The following TSHZ2 variants were observed in gnomAD, a reference collection of about 807,000 sequenced individuals.
TSHZ2 encodes teashirt zinc finger homeobox 2, also known as teashirt homolog 2.
TSHZ2 carries 21 observed loss-of-function variants against 74.4 expected under a neutral mutation model. That is an observed-to-expected ratio of 0.28 (90% confidence interval 0.20 to 0.41). The LOEUF (loss-of-function observed/expected upper bound fraction) is 0.41, where lower values mean the gene tolerates loss of function less well. Ranked by LOEUF, TSHZ2 falls within the 10% of genes least tolerant of loss-of-function variation. The pLI is 1.00. For synonymous variants in TSHZ2, 540 were observed against 515.3 expected, an observed-to-expected ratio of 1.05 and a Z score of -0.65; for missense variants, 1,244 against 1,293.5, an observed-to-expected ratio of 0.96 and a Z score of 0.59.
intron 2 of TSHZ2, among the ~76,000 whole-genome samples, chr20:53,458,224 C>A (rs1985190511): frequency 6.8e-6 from 1 of 146,642 alleles, no homozygotes; most frequent in South Asian, 2.3e-4. Context: ...TTGATTATTG[C>A]CACAATTTCA....
chr20:53,211,521 A>G (rs1237285226), intron 1 of TSHZ2, among the ~76,000 whole-genome samples: 1 of 151,020 alleles, frequency 6.6e-6, no homozygotes, highest in Non-Finnish European at 1.5e-5. Flanking sequence ...AAAAAAAAAA[A>G]GTAAACATTG....
At chr20:53,170,762 A>C (rs1358955771) in intron 1 of TSHZ2, among the ~76,000 whole-genome samples, 3 of 152,174 alleles carry the variant, frequency 2.0e-5, no homozygotes, top group Non-Finnish European at 4.4e-5. Context: ...ATGAAAGGGC[A>C]TTGGTTTGTC....
intron 2 of TSHZ2, among the ~76,000 whole-genome samples, chr20:53,440,364 C>T (rs931004095): frequency 6.6e-6 from 1 of 152,176 alleles, no homozygotes; most frequent in Non-Finnish European, 1.5e-5. Flanking sequence ...TGGAGCTGAG[C>T]CTTCTGCAAT....
At chr20:53,201,315 G>A (rs976738701) in intron 1 of TSHZ2, among the ~76,000 whole-genome samples, 1 of 152,166 alleles carries the variant, frequency 6.6e-6, no homozygotes, top group East Asian at 1.9e-4. Flanking sequence ...TGTGTCAGTA[G>A]GCCCACATTC....
At chr20:53,059,976 C>T (rs1319082679) in intron 1 of TSHZ2, among the ~76,000 whole-genome samples, 3 of 151,998 alleles carry the variant, frequency 2.0e-5, no homozygotes, top group Non-Finnish European at 4.4e-5. Context: ...AGCCAAAGGC[C>T]GAGGGTTTGT....
intron 1 of TSHZ2, among the ~76,000 whole-genome samples, chr20:53,018,651 G>T (rs1205998016): frequency 7.2e-5 from 11 of 152,208 alleles, no homozygotes. Context: ...TAAAAGCAAT[G>T]TTGAACTTTA....
At chr20:53,155,284 C>T (rs574121121) in intron 1 of TSHZ2, among the ~76,000 whole-genome samples, 1 of 151,922 alleles carries the variant, frequency 6.6e-6, no homozygotes, top group South Asian at 2.1e-4. Flanking sequence ...AATAAAAAGA[C>T]AATGAAAAGG....
intron 2 of TSHZ2, among the ~76,000 whole-genome samples, chr20:53,414,544 C>G (rs1983169002): frequency 6.6e-6 from 1 of 152,046 alleles, no homozygotes; most frequent in Non-Finnish European, 1.5e-5. Flanking sequence ...TCACTTGAGC[C>G]CAGGAGTTCA....
In TSHZ2 at chr20:52,973,110, G is replaced by A. The variant is rs968655142; in HGVS notation, c.-184G>A. 1.0e-4 allele frequency: 68 copies of A among 658,294 alleles called. No homozygotes were observed. Among genetic ancestry groups the A allele is most frequent in the South Asian group, 4.1e-4 (17 of 41,592 alleles). The allele number at this position is 658,294 out of a possible 1,614,324, so 40.8% of individuals were successfully genotyped here. On this transcript the variant is annotated 5_prime_UTR_variant, in exon 1 of 3. Transcript: ENST00000371497. The stretch of plus-strand genomic sequence containing the variant: ...GCCACCCGTGTCTGCCACCCAGAGA[G>A]GGGGGTCTCTGGCCCGTGGTGGAGG...
chr20:53,430,681 AAAAAT>A (rs1223542940), intron 2 of TSHZ2, among the ~76,000 whole-genome samples: 2 of 152,150 alleles, frequency 1.3e-5, no homozygotes, highest in African/African-American at 4.8e-5. Context: ...AGGAAAAAGA[AAAAAT>A]AATAAAAGAT....
At chr20:53,002,053 G>T (rs973741980) in intron 1 of TSHZ2, among the ~76,000 whole-genome samples, 6 of 152,190 alleles carry the variant, frequency 3.9e-5, no homozygotes, top group Non-Finnish European at 7.3e-5. Context: ...GGTTGCTTTT[G>T]TCACCTTAAC....
At chr20:53,115,792 T>C (rs976113969) in intron 1 of TSHZ2, among the ~76,000 whole-genome samples, 1 of 152,008 alleles carries the variant, frequency 6.6e-6, no homozygotes, top group Non-Finnish European at 1.5e-5. Context: ...GGTGAGCAGT[T>C]GCAAAGGCCA....
intron 1 of TSHZ2, among the ~76,000 whole-genome samples, chr20:53,028,890 A>G (rs1362275381): frequency 6.6e-6 from 1 of 152,202 alleles, no homozygotes; most frequent in Non-Finnish European, 1.5e-5. Flanking sequence ...TATAATGGTG[A>G]TGTGGCAAGG....
intron 2 of TSHZ2, among the ~76,000 whole-genome samples, chr20:53,368,611 C>A (rs1981360096): frequency 6.6e-6 from 1 of 152,092 alleles, no homozygotes; most frequent in South Asian, 2.1e-4. Context: ...GCACCTGGCC[C>A]CCATGATAAT....
intron 1 of TSHZ2, among the ~76,000 whole-genome samples, chr20:53,140,337 G>A (rs189919087): frequency 1.3e-5 from 2 of 151,674 alleles, no homozygotes; most frequent in Admixed American, 6.6e-5. Flanking sequence ...TCAGGAGATC[G>A]GGACCATCCT....
At chr20:53,174,973 T>C (rs1477624819) in intron 1 of TSHZ2, among the ~76,000 whole-genome samples, 1 of 152,104 alleles carries the variant, frequency 6.6e-6, no homozygotes, top group Non-Finnish European at 1.5e-5. Context: ...CTTTCTTGGC[T>C]CTTCGTTTTT....
At chr20:53,107,239 G>A (rs954499757) in intron 1 of TSHZ2, among the ~76,000 whole-genome samples, 1 of 152,176 alleles carries the variant, frequency 6.6e-6, no homozygotes, top group Admixed American at 6.5e-5. Flanking sequence ...TCATGGTTGA[G>A]AACATAAACT....
chr20:53,147,974 A>G (rs1987584563), intron 1 of TSHZ2, among the ~76,000 whole-genome samples: 1 of 152,188 alleles, frequency 6.6e-6, no homozygotes, highest in South Asian at 2.1e-4. Flanking sequence ...TCAGCCACCT[A>G]AAGTGCTGGG....
rs144451428 is a variant in TSHZ2, at chr20:53,042,199, A to G, written c.40+68866A>G. 2.1e-3 allele frequency among the ~76,000 whole-genome samples: 322 copies of G among 152,360 alleles called. 1 individual carries two copies. Among genetic ancestry groups the G allele is most frequent in the African/African-American group, 7.5e-3 (312 of 41,588 alleles). On this transcript the variant is annotated intron_variant, in intron 1 of 2. Transcript: ENST00000371497. ...GGATTCATAAGCATCGAGTGATTCAAACATTAATTACAATCTCCTTGGTGA... is the reference window on the plus strand; with the variant it reads ...GGATTCATAAGCATCGAGTGATTCAGACATTAATTACAATCTCCTTGGTGA...
Sources: gnomAD v4.1 joint callset for allele counts (sites outside exome capture counted in the v4.1 genomes callset) on GRCh38, gnomAD v4.1.1 for gene constraint, MANE v1.5 for transcripts, NCBI Gene and HGNC (gene_info 2026-07-23, HGNC 2026-07-21) for gene names.